Variants in MAGOH observed in about 807,000 individuals in gnomAD.
The protein encoded by MAGOH is protein mago nashi homolog.
A neutral mutation model predicts 20.9 loss-of-function variants in MAGOH; 3 were observed. The ratio of observed to expected loss-of-function variants is 0.14; its 90% confidence interval spans 0.07 to 0.37. The LOEUF (loss-of-function observed/expected upper bound fraction) is 0.37, where lower values mean the gene tolerates loss of function less well. Among genes scored for constraint, MAGOH ranks in the 10% least tolerant of loss-of-function variants. The pLI is 1.00. For synonymous variants in MAGOH, 51 were observed against 61.0 expected (o/e 0.84, Z 0.76); for missense variants, 66 against 178.1 (o/e 0.37, Z 3.58).
chr1:53,227,412 A>G (rs970929489), intron 4 of MAGOH, among the ~76,000 whole-genome samples: 3 of 152,352 alleles, frequency 2.0e-5, no homozygotes, highest in African/African-American at 7.2e-5. Flanking sequence ...GAAATACTGC[A>G]AGATAGTAAT....
intron 3 of MAGOH, 93 bp from the exon 4 acceptor site, chr1:53,229,047 G>A: frequency 1.2e-6 from 1 of 823,810 alleles, no homozygotes; most frequent in South Asian, 1.4e-5. Flanking sequence ...ACACAAACTT[G>A]ACTACAGATG....
chr1:53,229,757 A>G (rs1645577139), intron 3 of MAGOH, among the ~76,000 whole-genome samples: 1 of 152,078 alleles, frequency 6.6e-6, no homozygotes, highest in South Asian at 2.1e-4. Flanking sequence ...CATCTGTACA[A>G]AAAATACGAA....
chr1:53,228,157 C>A (rs185497017), intron 4 of MAGOH, among the ~76,000 whole-genome samples: 85 of 152,140 alleles, frequency 5.6e-4, no homozygotes, highest in African/African-American at 2.0e-3. Flanking sequence ...TAAGGCTGGG[C>A]GCGGTGGCTC....
chr1:53,235,945 G>C (rs751996024), intron 1 of MAGOH, among the ~76,000 whole-genome samples: 7 of 152,192 alleles, frequency 4.6e-5, no homozygotes, highest in Non-Finnish European at 1.0e-4. Flanking sequence ...CTGAAAACAG[G>C]CCTAGTAACT....
chr1:53,236,395 C>A (rs1645610307), intron 1 of MAGOH, among the ~76,000 whole-genome samples: 2 of 152,348 alleles, frequency 1.3e-5, no homozygotes, highest in African/African-American at 4.8e-5. Flanking sequence ...CTGGTAAAAT[C>A]CAAACTCCTC....
At chr1:53,231,061 TCTCA>T (rs1313500015) in intron 3 of MAGOH, among the ~76,000 whole-genome samples, 2 of 152,224 alleles carry the variant, frequency 1.3e-5, no homozygotes, top group Non-Finnish European at 2.9e-5. Flanking sequence ...CTAATTTTAT[TCTCA>T]CTCTTTTCTC....
At chr1:53,236,700 T>G (rs1645612025) in intron 1 of MAGOH, among the ~76,000 whole-genome samples, 1 of 152,212 alleles carries the variant, frequency 6.6e-6, no homozygotes, top group African/African-American at 2.4e-5. Flanking sequence ...TGTTTCTTTT[T>G]ACCACAACAC....
chr1:53,235,555 T>A, intron 2 of MAGOH, 22 bp downstream of exon 2: 1 of 1,607,292 alleles, frequency 6.2e-7, no homozygotes. Context: ...TGAAGGACTC[T>A]CAGAAGGCAG....
At chr1:53,232,368 G>GAAAAGCAAGTAAGACAATTTTAGAC (rs1645590251) in intron 3 of MAGOH, among the ~76,000 whole-genome samples, 1 of 151,910 alleles carries the variant, frequency 6.6e-6, no homozygotes, top group Non-Finnish European at 1.5e-5. Context: ...GGAAAACACT[G>GAAAAGCAAGTAAGACAATTTTAGAC]AAAAGCAAGT....
intron 3 of MAGOH, among the ~76,000 whole-genome samples, chr1:53,229,751 T>C (rs752762868): frequency 6.6e-6 from 1 of 152,120 alleles, no homozygotes; most frequent in South Asian, 2.1e-4. Context: ...AAACCTCATC[T>C]GTACAAAAAA....
At chr1:53,228,986 A>T (rs1254285085) in intron 3 of MAGOH, 32 bp from the exon 4 acceptor site, 1 of 1,403,162 alleles carries the variant, frequency 7.1e-7, no homozygotes, top group Non-Finnish European at 1.0e-6. Flanking sequence ...GAAGTCAAGT[A>T]GAATTGGATT....
chr1:53,235,874 G>T lies in MAGOH; in HGVS notation c.89-239C>A, dbSNP rs1035106315. ...TACTGCAAAAAGCAGCTCAGGTGGG[G>T]TATAAACACAGGCAGGCTCTTTTCT... On this transcript the variant is annotated intron_variant, in intron 1 of 4. Transcript: ENST00000371470. Among the ~76,000 whole-genome samples the T allele has an allele frequency of 2.6e-5, 4 of 152,210 alleles. No homozygotes were observed. The South Asian group carries it at 8.3e-4, about 31-fold the overall frequency.
At chr1:53,238,210 GCAGA>G in intron 1 of MAGOH, 147 bp downstream of exon 1, 1 of 668,832 alleles carries the variant, frequency 1.5e-6, no homozygotes, top group Non-Finnish European at 2.7e-6. Context: ...ACCCCGTGGA[GCAGA>G]CACAGTGGCG....
At chr1:53,234,946 A>C (rs1645604464) in intron 2 of MAGOH, among the ~76,000 whole-genome samples, 1 of 152,184 alleles carries the variant, frequency 6.6e-6, no homozygotes, top group Non-Finnish European at 1.5e-5. Context: ...TTCCTGCTGT[A>C]TCTCTTACTA....
rs369735031 is a variant in MAGOH at position 53,238,341 on chromosome 1, G to A, written c.88+20C>T. ...CCCAGGCCTGGTCCCCGCTCCCGGC[G>A]GGCGGCAGGCTGCTTTTACCGTCCG... On this transcript the variant is annotated intron_variant, in intron 1 of 4. Transcript: ENST00000371470. 2.0e-5 allele frequency: 32 copies of A among 1,613,472 alleles called. No homozygotes were observed. The highest frequency in any genetic ancestry group is 2.2e-5 in the East Asian group (1 of 44,882).
Position 53,233,553 on chromosome 1 carries a change from C to T in MAGOH, c.247G>A (p.Val83Met). Residue 83 changes from valine (V) to methionine (M), a missense_variant, in exon 3 of 5, where the codon GTG (valine) becomes ATG (methionine). By Grantham distance (21) the Val-to-Met change is conservative (BLOSUM62 1). Coordinates refer to ENST00000371470, the MANE Select transcript of MAGOH (RefSeq NM_002370.4). ...TCAATAAAACACACCTGCCGGCCCA[C>T]TCGGTCAGGAGGAGGCCACAATGCA... Reference protein sequence around the residue: ...DDALWPPPDRVGRQELEIVIG... With the variant: ...DDALWPPPDRMGRQELEIVIG... 6.2e-7 allele frequency: 1 copy of T among 1,613,444 alleles called. No homozygotes were observed. The highest frequency in any genetic ancestry group is 8.5e-7 in the Non-Finnish European group (1 of 1,179,454).
chr1:53,227,151 T>A lies in MAGOH; in HGVS notation c.342-7A>T. On this transcript the variant is annotated splice_region_variant and splice_polypyrimidine_tract_variant and intron_variant, in intron 4 of 4. Coordinates refer to ENST00000371470, the MANE Select transcript of MAGOH (RefSeq NM_002370.4). ...TCGTAAGCCTTCTGGATCCCTAAAA[T>A]ACAAAAGGAAAAAAGTTTAGGCATT... 1 of 1,552,012 alleles carries A rather than the reference T, an allele frequency of 6.4e-7. No individual in the cohort carries two copies. The highest frequency in any genetic ancestry group is 8.7e-7 in the Non-Finnish European group (1 of 1,146,314).
At chr1:53,227,436 T>C (rs1330252112) in intron 4 of MAGOH, among the ~76,000 whole-genome samples, 1 of 152,212 alleles carries the variant, frequency 6.6e-6, no homozygotes, top group Non-Finnish European at 1.5e-5. Flanking sequence ...GGTTGTCTGA[T>C]TGATAAACTT....
chr1:53,232,502 G>A (rs1645590943), intron 3 of MAGOH, among the ~76,000 whole-genome samples: 1 of 152,118 alleles, frequency 6.6e-6, no homozygotes, highest in South Asian at 2.1e-4. Context: ...GATGGGAAGC[G>A]ACTTCTTAGA....
Sources: allele counts gnomAD v4.1 joint callset (sites outside exome capture counted in the v4.1 genomes callset), GRCh38; gene constraint gnomAD v4.1.1; transcripts MANE v1.5; gene names NCBI Gene and HGNC (gene_info 2026-07-23, HGNC 2026-07-21).